Variants in LACTB2 observed in about 807,000 individuals in gnomAD.
LACTB2 encodes the protein endoribonuclease LACTB2.
Under a neutral mutation model 34.8 loss-of-function variants are expected in LACTB2, and 32 were observed. The observed-to-expected ratio is 0.92, with a 90% confidence interval of 0.69 to 1.24. LACTB2 has a LOEUF of 1.24. Among genes scored for constraint, LACTB2 ranks in the 50% most tolerant of loss-of-function variants. The pLI is 0.00. For missense variants in LACTB2, 320 were observed against 345.0 expected (o/e 0.93, Z 0.57); for synonymous variants, 120 against 117.5 (o/e 1.02, Z -0.14).
intron 3 of LACTB2, among the ~76,000 whole-genome samples, chr8:70,648,302 C>T (rs995837488): frequency 2.6e-5 from 4 of 151,988 alleles, no homozygotes; most frequent in African/African-American, 7.3e-5. Flanking sequence ...TTGAAGACAG[C>T]GCATAAAAAC....
intron 5 of LACTB2, among the ~76,000 whole-genome samples, chr8:70,639,748 AG>A (rs1818172203): frequency 6.6e-6 from 1 of 151,746 alleles, no homozygotes; most frequent in South Asian, 2.1e-4. Context: ...GGATCACCTG[AG>A]GTCGGGAGTT....
chr8:70,652,023 T>C (rs1394255344), intron 3 of LACTB2: 1 of 152,218 alleles, frequency 6.6e-6, no homozygotes, highest in East Asian at 1.9e-4. Context: ...TTAACTTAGC[T>C]TGCTAGTTTA....
At chr8:70,668,901 G>T in intron 1 of LACTB2, 98 bp downstream of exon 1, 1 of 1,498,288 alleles carries the variant, frequency 6.7e-7, no homozygotes, top group Non-Finnish European at 9.0e-7. Flanking sequence ...CTAGGGACAG[G>T]ACGCGGCGCT....
rs762860538 is a variant in LACTB2, at chr8:70,657,758, T to C, written c.411A>G (p.Leu137=). Residue 137 remains leucine, a splice_region_variant and synonymous_variant, in exon 3 of 7, where the codon CTA becomes CTG. Coordinates refer to ENST00000276590, the MANE Select transcript of LACTB2 (RefSeq NM_016027.3). ...CTGGCTAAGGGACATTTACTTACCTTAGAGTGGCTCCCTCAGTCTTAATCA... is the reference window on the plus strand; with the variant it reads ...CTGGCTAAGGGACATTTACTTACCTCAGAGTGGCTCCCTCAGTCTTAATCA... ...GDVIKTEGAT[L]RVLYTPGHTD... 3 of 1,611,336 alleles carry C rather than the reference T, an allele frequency of 1.9e-6. No individual in the cohort carries two copies. Among genetic ancestry groups the C allele is most frequent in the East Asian group, 4.5e-5 (2 of 44,740 alleles).
intron 5 of LACTB2, among the ~76,000 whole-genome samples, chr8:70,639,088 GTA>G (rs1437087271): frequency 6.6e-6 from 1 of 151,806 alleles, no homozygotes; most frequent in Non-Finnish European, 1.5e-5. Flanking sequence ...ATTTCACTTT[GTA>G]TACATCTTGT....
chr8:70,648,035 T>G (rs1457614836), intron 3 of LACTB2, among the ~76,000 whole-genome samples: 1 of 152,224 alleles, frequency 6.6e-6, no homozygotes, highest in Admixed American at 6.5e-5. Context: ...CAGCCAGGCC[T>G]TTACGCTACA....
At chr8:70,652,195 A>G (rs190121326) in intron 3 of LACTB2, among the ~76,000 whole-genome samples, 20 of 152,322 alleles carry the variant, frequency 1.3e-4, no homozygotes, top group African/African-American at 4.6e-4. Context: ...ATGAGGACTG[A>G]GGCAGATTTT....
intron 3 of LACTB2, among the ~76,000 whole-genome samples, chr8:70,650,509 G>A (rs760677540): frequency 3.9e-5 from 6 of 151,984 alleles, no homozygotes; most frequent in Non-Finnish European, 8.8e-5. Context: ...GGGAGGCCGA[G>A]GCCTGAGGTC....
At chr8:70,668,972 T>C (rs747673448) in intron 1 of LACTB2, 27 bp downstream of exon 1, 48 of 1,563,580 alleles carry the variant, frequency 3.1e-5, no homozygotes, top group Non-Finnish European at 4.0e-5. Context: ...GCTGCGAACG[T>C]TGGGGAGGTT....
intron 1 of LACTB2, among the ~76,000 whole-genome samples, chr8:70,666,130 C>T (rs905755311): frequency 6.6e-6 from 1 of 152,152 alleles, no homozygotes; most frequent in Non-Finnish European, 1.5e-5. Context: ...CTCATTCATT[C>T]AGCAACTGTT....
chr8:70,642,931 TA>T (rs1261183611), intron 4 of LACTB2, among the ~76,000 whole-genome samples: 1 of 152,172 alleles, frequency 6.6e-6, no homozygotes, highest in Non-Finnish European at 1.5e-5. Context: ...TTCAATATTG[TA>T]AATTAAAAAA....
intron 1 of LACTB2, chr8:70,662,686 G>A (rs1290382433): frequency 7.1e-6 from 1 of 140,592 alleles, no homozygotes; most frequent in Non-Finnish European, 1.6e-5. Context: ...TGTTCCTCAA[G>A]ATCCAATTCT....
chr8:70,654,433 A>G (rs533597755), intron 3 of LACTB2: 9 of 152,172 alleles, frequency 5.9e-5, no homozygotes, highest in African/African-American at 1.9e-4. Context: ...AAAGATTTCA[A>G]GTAGCACAAT....
intron 4 of LACTB2, 131 bp from the exon 5 acceptor site, chr8:70,641,181 A>G (rs1051918458): frequency 1.2e-6 from 1 of 848,868 alleles, no homozygotes; most frequent in African/African-American, 1.8e-5. Flanking sequence ...TCAAATATGA[A>G]CTATTTGGAA....
chr8:70,663,594 A>G (rs1288929425), intron 1 of LACTB2, among the ~76,000 whole-genome samples: 2 of 131,564 alleles, frequency 1.5e-5, no homozygotes, highest in African/African-American at 2.6e-5. Context: ...GGTACAATCA[A>G]CCAACCACCA....
Position 70,644,095 on chromosome 8 carries a change from A to G in LACTB2, c.562T>C (p.Leu188=), listed in dbSNP as rs1260574601. The change falls in exon 4 of 7, where the codon TTG becomes CTG. Residue 188 remains leucine, a synonymous_variant. Coordinates refer to ENST00000276590, the MANE Select transcript of LACTB2 (RefSeq NM_016027.3). ...TATATAATATCAGCTTTGATTTTCA[A>G]TAACTCTTTTAAAGAGTTCATATAA... ...YDYMNSLKEL[L]KIKADIIYPG... is the part of the protein sequence containing the mutation. 5 of 1,586,300 alleles carry G rather than the reference A, an allele frequency of 3.2e-6. No homozygotes were observed. The highest frequency in any genetic ancestry group is 3.4e-6 in the Non-Finnish European group (4 of 1,169,382).
At chr8:70,643,115 C>A (rs1356247258) in intron 4 of LACTB2, among the ~76,000 whole-genome samples, 1 of 151,300 alleles carries the variant, frequency 6.6e-6, no homozygotes, top group Non-Finnish European at 1.5e-5. Context: ...TGAAAAATAA[C>A]CCTCATATCT....
At chr8:70,660,737 T>C (rs745691061) in intron 2 of LACTB2, 9 of 456,322 alleles carry the variant, frequency 2.0e-5, no homozygotes, top group South Asian at 1.4e-4. Flanking sequence ...CTCTTCCCTT[T>C]CTCTTCTTGT....
intron 4 of LACTB2, among the ~76,000 whole-genome samples, chr8:70,643,858 A>G (rs1026214538): frequency 6.6e-6 from 1 of 152,016 alleles, no homozygotes; most frequent in Non-Finnish European, 1.5e-5. Context: ...AGACAAGCCA[A>G]AATGAACCTT....
Sources: allele counts gnomAD v4.1 joint callset (sites outside exome capture counted in the v4.1 genomes callset), GRCh38; gene constraint gnomAD v4.1.1; transcripts MANE v1.5; gene names NCBI Gene and HGNC (gene_info 2026-07-23, HGNC 2026-07-21).